CCNB3: variants seen among roughly 807,000 people sequenced by gnomAD.
The protein encoded by CCNB3 is cyclin B3.
A neutral mutation model predicts 68.0 loss-of-function variants in CCNB3; 12 were observed. That is an observed-to-expected ratio of 0.18 (90% confidence interval 0.11 to 0.29). The LOEUF is 0.29. Ranked by LOEUF, CCNB3 falls within the 10% of genes least tolerant of loss-of-function variation. The pLI is 1.00. For synonymous variants in CCNB3, 354 were observed against 388.9 expected, an observed-to-expected ratio of 0.91 and a Z score of 1.06; for missense variants, 904 against 993.1, an observed-to-expected ratio of 0.91 and a Z score of 1.21.
chrX:50,312,719 GTAA>G (rs2147065973), intron 7 of CCNB3, 87 bp downstream of exon 7: 1 of 578,017 alleles, frequency 1.7e-6, no homozygotes, highest in East Asian at 3.4e-5. Context: ...GAAAGGGGTG[GTAA>G]TAATGATGAT....
chrX:50,226,951 A>G (rs1378744395), intron 1 of CCNB3, among the ~76,000 whole-genome samples: 2 of 76,997 alleles, frequency 2.6e-5, no homozygotes, highest in Non-Finnish European at 4.5e-5. Flanking sequence ...TATAGAATAT[A>G]TATAGTATAT....
At chrX:50,227,442 A>G (rs917709887) in intron 1 of CCNB3, among the ~76,000 whole-genome samples, 2 of 88,561 alleles carry the variant, frequency 2.3e-5, no homozygotes, top group Non-Finnish European at 4.2e-5. Flanking sequence ...CAGAGAATAT[A>G]TACAAATATA....
intron 5 of CCNB3, among the ~76,000 whole-genome samples, chrX:50,295,846 T>A (rs941628108): frequency 7.2e-5 from 8 of 111,364 alleles, no homozygotes; most frequent in African/African-American, 2.3e-4. Flanking sequence ...TGTGATTGGT[T>A]GGTGCGGTGC....
intron 1 of CCNB3, among the ~76,000 whole-genome samples, chrX:50,226,485 A>G (rs1440444699): frequency 4.4e-5 from 3 of 68,486 alleles, no homozygotes; most frequent in East Asian, 4.4e-4. Context: ...ATAAATATAT[A>G]TAGAATATAT....
At chrX:50,343,473 G>A (rs1443370357) in intron 9 of CCNB3, among the ~76,000 whole-genome samples, 1 of 112,029 alleles carries the variant, frequency 8.9e-6, no homozygotes, top group Admixed American at 9.5e-5. Context: ...GGAGGCTAAG[G>A]CAAGAGGATT....
At position 50,310,315 on chromosome X, in the gene CCNB3, A is replaced by G. The variant is rs1557214516; in HGVS notation, c.2146A>G (p.Lys716Glu). The G allele has an allele frequency of 8.3e-7, 1 of 1,210,036 alleles. No individual in the cohort carries two copies. The highest frequency in any genetic ancestry group is 1.7e-5 in the African/African-American group (1 of 57,412). Residue 716 changes from lysine to glutamate, a missense_variant, in exon 6 of 13, where the codon AAA (lysine) becomes GAA (glutamate). By Grantham distance (56) the Lys-to-Glu change is moderately conservative. Coordinates refer to ENST00000376042, the MANE Select transcript of CCNB3 (RefSeq NM_033031.3). ...SLKNLLALQE[K>E]STMEEESLIN... The stretch of plus-strand genomic sequence containing the variant: ...GAAGAACTTGTTGGCTTTGCAGGAG[A>G]AAAGCACCATGGAAGAAGAGTCCCT...
intron 9 of CCNB3, among the ~76,000 whole-genome samples, chrX:50,344,412 A>G (rs1312375024): frequency 1.8e-5 from 2 of 112,649 alleles, no homozygotes; most frequent in Non-Finnish European, 1.9e-5. Flanking sequence ...ACATACAAAT[A>G]ATTTTTTTCT....
At chrX:50,217,626 A>G (rs1445147301) in intron 1 of CCNB3, among the ~76,000 whole-genome samples, 1 of 111,048 alleles carries the variant, frequency 9.0e-6, no homozygotes, top group African/African-American at 3.3e-5. Flanking sequence ...TTCTGAGTTT[A>G]GAGCTGTTTT....
At chrX:50,228,183 T>C (rs2147002469) in intron 1 of CCNB3, among the ~76,000 whole-genome samples, 1 of 91,425 alleles carries the variant, frequency 1.1e-5, no homozygotes, top group African/African-American at 3.9e-5. Flanking sequence ...TAAATACATA[T>C]ACATAGAATA....
chrX:50,226,957 T>A (rs1215326857), intron 1 of CCNB3, among the ~76,000 whole-genome samples: 2 of 62,723 alleles, frequency 3.2e-5, no homozygotes, highest in Admixed American at 4.9e-4. Context: ...ATATATATAG[T>A]ATATATATAG....
At chrX:50,206,857 G>A (rs1272205048) in intron 1 of CCNB3, among the ~76,000 whole-genome samples, 1 of 111,474 alleles carries the variant, frequency 9.0e-6, no homozygotes, top group Non-Finnish European at 1.9e-5. Context: ...GGTTGATGCT[G>A]TAATGAGGAG....
At chrX:50,347,314 C>T (rs1319375618) in intron 10 of CCNB3, among the ~76,000 whole-genome samples, 6 of 109,855 alleles carry the variant, frequency 5.5e-5, no homozygotes, top group African/African-American at 1.7e-4. Context: ...AACAGAGTCA[C>T]GGTGGGAGGA....
At chrX:50,299,356 G>C (rs1409018662) in intron 5 of CCNB3, among the ~76,000 whole-genome samples, 1 of 111,442 alleles carries the variant, frequency 9.0e-6, no homozygotes, top group African/African-American at 3.3e-5. Flanking sequence ...TGGTTTCAAA[G>C]AACATCTTTA....
intron 1 of CCNB3, among the ~76,000 whole-genome samples, chrX:50,226,292 G>GA (rs1263507231): frequency 2.0e-5 from 1 of 49,231 alleles, no homozygotes; most frequent in Non-Finnish European, 3.2e-5. Context: ...TATATATATA[G>GA]AATATATATA....
chrX:50,279,909 A>T (rs1238845299), intron 1 of CCNB3, among the ~76,000 whole-genome samples: 1 of 87,410 alleles, frequency 1.1e-5, no homozygotes, highest in Admixed American at 1.6e-4. Context: ...GTGTATATAT[A>T]TAAAAATATA....
intron 5 of CCNB3, among the ~76,000 whole-genome samples, chrX:50,298,341 AG>A (rs1936528733): frequency 9.0e-6 from 1 of 111,626 alleles, no homozygotes; most frequent in African/African-American, 3.3e-5. Flanking sequence ...TTTAGCATGA[AG>A]GGTTGTTGAA....
chrX:50,317,567 G>GTATGTATGTATGTATGCATGTATT (rs1409621892), intron 8 of CCNB3, among the ~76,000 whole-genome samples: 153 of 108,372 alleles, frequency 1.4e-3, no homozygotes, highest in African/African-American at 5.0e-3. Context: ...ATGTATGTAT[G>GTATGTATGTATGTATGCATGTATT]TATTTATTTA....
intron 5 of CCNB3, among the ~76,000 whole-genome samples, chrX:50,299,314 T>G (rs187038724): frequency 0.11 from 12,564 of 110,811 alleles, 1,764 homozygotes; most frequent in African/African-American, 0.39. Context: ...ATGTGTCCCA[T>G]AGATTCTGGT....
intron 5 of CCNB3, among the ~76,000 whole-genome samples, chrX:50,300,125 C>A (rs1025650335): frequency 9.0e-6 from 1 of 111,583 alleles, no homozygotes; most frequent in African/African-American, 3.3e-5. Flanking sequence ...AGCATTTACC[C>A]CATTTACATT....
Sources: gnomAD v4.1 joint callset for allele counts (sites outside exome capture counted in the v4.1 genomes callset) on GRCh38, gnomAD v4.1.1 for gene constraint, MANE v1.5 for transcripts, NCBI Gene and HGNC (gene_info 2026-07-23, HGNC 2026-07-21) for gene names.